NELL1: variants seen among roughly 807,000 people sequenced by gnomAD.
The protein encoded by NELL1 is protein kinase C-binding protein NELL1.
Under a neutral mutation model 107.4 loss-of-function variants are expected in NELL1, and 76 were observed. The observed-to-expected ratio is 0.71, with a 90% CI of 0.59 to 0.86. The LOEUF (loss-of-function observed/expected upper bound fraction) is 0.86. Ranked by LOEUF, NELL1 falls within the 40% of genes least tolerant of loss-of-function variation. NELL1 has a pLI of 0.00. For synonymous variants in NELL1, 353 were observed against 341.2 expected, an observed-to-expected ratio of 1.03 and a Z score of -0.38; for missense variants, 1,024 against 1,005.5, an observed-to-expected ratio of 1.02 and a Z score of -0.25.
chr11:20,762,700 T>C (rs1398138546), intron 2 of NELL1, among the ~76,000 whole-genome samples: 1 of 152,182 alleles, frequency 6.6e-6, no homozygotes, highest in African/African-American at 2.4e-5. Flanking sequence ...TACACATAAA[T>C]AGAAACGTTG....
chr11:21,546,926 CACTA>C (rs897083147), intron 16 of NELL1, among the ~76,000 whole-genome samples: 2 of 151,894 alleles, frequency 1.3e-5, no homozygotes, highest in African/African-American at 4.8e-5. Flanking sequence ...AGCATAAAAT[CACTA>C]GTCATTTGTT....
At chr11:21,561,764 A>G (rs962367925) in intron 17 of NELL1, among the ~76,000 whole-genome samples, 2 of 152,064 alleles carry the variant, frequency 1.3e-5, no homozygotes, top group African/African-American at 2.4e-5. Flanking sequence ...ACTAGATTCC[A>G]TGTACTTCCT....
rs181810261 is a variant in NELL1 at position 21,018,414 on chromosome 11, T to C, written c.1300+57854T>C. 6.6e-5 allele frequency among the ~76,000 whole-genome samples: 10 copies of C among 152,218 alleles called. No individual in the cohort carries two copies. In the East Asian group the frequency reaches 1.9e-3, roughly 29 times the overall value. ...AGTTTATGGAACTTCAAGCAACATT[T>C]TGGCCAGTGGGCACGAAGAGTGATC... On this transcript the variant is annotated intron_variant, in intron 12 of 19. Transcript: ENST00000357134.
chr11:21,090,164 T>C (rs183941133), intron 12 of NELL1, among the ~76,000 whole-genome samples: 1 of 152,272 alleles, frequency 6.6e-6, no homozygotes, highest in East Asian at 1.9e-4. Flanking sequence ...AGAGGAATGG[T>C]CAAAGAATGG....
chr11:21,550,691 T>C (rs1223881021), intron 16 of NELL1, among the ~76,000 whole-genome samples: 1 of 152,110 alleles, frequency 6.6e-6, no homozygotes. Context: ...TTCTGTTCCA[T>C]TGATCTATAT....
chr11:20,723,559 G>A lies in NELL1; in HGVS notation c.184+45499G>A, dbSNP rs139511794. Among the ~76,000 whole-genome samples the A allele has an allele frequency of 3.0e-3, 458 of 152,238 alleles. 3 individuals are homozygous for A. Among genetic ancestry groups the A allele is most frequent in the East Asian group, 0.016 (83 of 5,162 alleles). Reference sequence around the variant, plus strand: ...CCCAGGGCCTTGGGCAGCTGCACCCGTGAAGCTCTGGAGGGTACAGCCCCC... The same window carrying A: ...CCCAGGGCCTTGGGCAGCTGCACCCATGAAGCTCTGGAGGGTACAGCCCCC... On this transcript the variant is annotated intron_variant, in intron 2 of 19. Coordinates refer to ENST00000357134, the MANE Select transcript of NELL1 (RefSeq NM_006157.5).
intron 2 of NELL1, among the ~76,000 whole-genome samples, chr11:20,720,312 A>T (rs1855351047): frequency 6.6e-6 from 1 of 151,058 alleles, no homozygotes; most frequent in African/African-American, 2.4e-5. Context: ...GGTTCAAGCG[A>T]TTCTCCTGCC....
chr11:21,296,712 A>AG (rs1849383698), intron 14 of NELL1, among the ~76,000 whole-genome samples: 1 of 151,980 alleles, frequency 6.6e-6, no homozygotes, highest in Admixed American at 6.6e-5. Flanking sequence ...TATCTCAAAC[A>AG]ACTTAGACAG....
chr11:21,469,561 A>G (rs1316964425), intron 15 of NELL1, among the ~76,000 whole-genome samples: 1 of 152,108 alleles, frequency 6.6e-6, no homozygotes, highest in Admixed American at 6.6e-5. Flanking sequence ...GCCTATCAAA[A>G]TGGACTTCCT....
chr11:20,851,696 C>A (rs1848798199), intron 4 of NELL1, among the ~76,000 whole-genome samples: 1 of 152,186 alleles, frequency 6.6e-6, no homozygotes, highest in Non-Finnish European at 1.5e-5. Flanking sequence ...TTTCATTCAG[C>A]CCATCAAATT....
At chr11:21,225,051 C>A (rs554410942) in intron 13 of NELL1, among the ~76,000 whole-genome samples, 98 of 152,250 alleles carry the variant, frequency 6.4e-4, no homozygotes, top group African/African-American at 2.3e-3. Context: ...GGGTGCTACA[C>A]AGGCTCAGAT....
At chr11:21,004,526 G>A (rs1438746084) in intron 12 of NELL1, among the ~76,000 whole-genome samples, 2 of 151,964 alleles carry the variant, frequency 1.3e-5, no homozygotes, top group Middle Eastern at 3.2e-3. Flanking sequence ...CACCCATCCG[G>A]GCATCAGTCC....
At chr11:21,041,955 G>A (rs1590574366) in intron 12 of NELL1, among the ~76,000 whole-genome samples, 1 of 152,206 alleles carries the variant, frequency 6.6e-6, no homozygotes, top group South Asian at 2.1e-4. Context: ...TGGGGCTGGT[G>A]TGTGCACCGC....
chr11:21,561,818 A>C (rs1856856842), intron 17 of NELL1, among the ~76,000 whole-genome samples: 1 of 152,054 alleles, frequency 6.6e-6, no homozygotes, highest in Non-Finnish European at 1.5e-5. Flanking sequence ...GGGGTTTTGA[A>C]GTTATTAAGT....
intron 2 of NELL1, among the ~76,000 whole-genome samples, chr11:20,760,719 G>C (rs922486018): frequency 2.0e-5 from 3 of 152,144 alleles, no homozygotes; most frequent in Non-Finnish European, 4.4e-5. Flanking sequence ...AGATTTCTTA[G>C]GATTTCAAGC....
chr11:21,206,452 G>T (rs539278816), intron 13 of NELL1, among the ~76,000 whole-genome samples: 2 of 152,274 alleles, frequency 1.3e-5, no homozygotes, highest in South Asian at 2.1e-4. Context: ...GGTTCTTGGT[G>T]TATACAAATT....
intron 5 of NELL1, among the ~76,000 whole-genome samples, chr11:20,913,951 T>C (rs1850190034): frequency 6.6e-6 from 1 of 152,054 alleles, no homozygotes; most frequent in African/African-American, 2.4e-5. Context: ...ACAAATAGTT[T>C]TGCATGTTTG....
chr11:21,177,351 A>G (rs1475803366), intron 13 of NELL1, among the ~76,000 whole-genome samples: 1 of 151,738 alleles, frequency 6.6e-6, no homozygotes, highest in South Asian at 2.1e-4. Context: ...TAGATGTGAG[A>G]TCATGCAGTA....
chr11:20,818,872 G>A lies in NELL1; in HGVS notation c.336-28711G>A, dbSNP rs183033000. On this transcript the variant is annotated intron_variant, in intron 3 of 19. Coordinates refer to ENST00000357134, the MANE Select transcript of NELL1 (RefSeq NM_006157.5). ...AGAGCTCTTCAAATCATGTCATAAA[G>A]TATTAGTCCCTGTGCTAGGTACTTC... Among the ~76,000 whole-genome samples the A allele has an allele frequency of 1.7e-3, 254 of 152,314 alleles. 1 individual carries two copies. The highest frequency in any genetic ancestry group is 5.9e-3 in the African/African-American group (245 of 41,566).
Sources: gnomAD v4.1 joint callset for allele counts (sites outside exome capture counted in the v4.1 genomes callset) on GRCh38, gnomAD v4.1.1 for gene constraint, MANE v1.5 for transcripts, NCBI Gene and HGNC (gene_info 2026-07-23, HGNC 2026-07-21) for gene names.